The following MYH8 variants were observed in gnomAD, a reference collection of about 807,000 sequenced individuals.
MYH8 encodes the protein myosin heavy chain 8.
Under a neutral mutation model 233.2 loss-of-function variants are expected in MYH8, and 168 were observed. That is an observed-to-expected ratio of 0.72 (90% confidence interval 0.64 to 0.82). The LOEUF (loss-of-function observed/expected upper bound fraction) is 0.82, where lower values mean the gene tolerates loss of function less well. Ranked by LOEUF, MYH8 falls within the 40% of genes least tolerant of loss-of-function variation. The pLI is 0.00. For missense variants in MYH8, 1,995 were observed against 2,327.8 expected, an observed-to-expected ratio of 0.86 and a Z score of 2.94; for synonymous variants, 785 against 850.6, an observed-to-expected ratio of 0.92 and a Z score of 1.34.
intron 17 of MYH8, among the ~76,000 whole-genome samples, chr17:10,408,237 C>T (rs1278481873): frequency 6.6e-6 from 1 of 151,818 alleles, no homozygotes; most frequent in African/African-American, 2.4e-5. Context: ...CTGCGCCCGG[C>T]CAAGAAGGCA....
rs2072037087 is a variant in MYH8, at chr17:10,392,625, C to T, written c.5485G>A (p.Val1829Ile). ...EARVRELEGE[V>I]ENEQKRNAEA... ...GCATTACGTTTCTGTTCATTTTCAACCTCTCCTTCAAGCTCACGTACCTGC... is the reference window on the plus strand; with the variant it reads ...GCATTACGTTTCTGTTCATTTTCAATCTCTCCTTCAAGCTCACGTACCTGC... The change falls in exon 38 of 40, where the codon GTT becomes ATT. Residue 1829 changes from valine (V) to isoleucine (I), a missense_variant. Transcript: ENST00000403437. 6 of 1,614,150 alleles carry T rather than the reference C, an allele frequency of 3.7e-6. No homozygotes were observed. The highest frequency in any genetic ancestry group is 5.1e-6 in the Non-Finnish European group (6 of 1,180,028).
At position 10,396,332 on chromosome 17, in the gene MYH8, C is replaced by T. The variant is rs1301220270; in HGVS notation, c.4651G>A (p.Glu1551Lys). Residue 1551 changes from glutamate (E) to lysine (K), a missense_variant and splice_region_variant, in exon 33 of 40, where the codon GAG becomes AAG. Transcript: ENST00000403437. The surrounding 1 kb of genome is among the most constrained non-coding windows in gnomAD (Gnocchi z 4.2). ...ACATAATACAAGGTAATATGTACCT[C>T]TGCTTCCTCTAAAGCAGCCTGAATT... ...CEIQAALEEA[E>K]ASLEHEEGKI... The T allele has an allele frequency of 6.2e-7, 1 of 1,613,968 alleles. No individual in the cohort carries two copies. The highest frequency in any genetic ancestry group is 8.5e-7 in the Non-Finnish European group (1 of 1,180,002).
In MYH8 at chr17:10,419,932, C is replaced by T. The variant is rs9910366; in HGVS notation, c.210+86G>A. 1.1e-3 allele frequency: 1,554 copies of T among 1,434,600 alleles called. 14 individuals are homozygous for T. The African/African-American group carries it at 0.019, about 18-fold the overall frequency. 88.9% of individuals were successfully genotyped at this position (1,434,600 alleles called of 1,614,324 possible). On this transcript the variant is annotated intron_variant, in intron 3 of 39. Transcript: ENST00000403437. This position sits in a 1 kb window ranked among gnomAD's most constrained non-coding sequence, Gnocchi z 4.0. ...ACTAGAAGGGTGTTTGCATTGGCAA[C>T]AGGCTTGGAGATTCCCAGTAAGTTA...
chr17:10,410,639 G>C (rs572826854), intron 15 of MYH8, 138 bp downstream of exon 15: 4 of 1,358,394 alleles, frequency 2.9e-6, no homozygotes, highest in African/African-American at 2.9e-5. Flanking sequence ...TTAAAAAGAG[G>C]AAGTAATTTC....
At position 10,420,170 on chromosome 17, in the gene MYH8, G is replaced by A. The variant is rs1449105624; in HGVS notation, c.58C>T (p.Arg20Ter). The A allele has an allele frequency of 2.5e-6, 4 of 1,614,028 alleles. No homozygotes were observed. The highest frequency in any genetic ancestry group is 2.2e-5 in the East Asian group (1 of 44,886). ...TCAATCCGCTCCTTTTCTGATTTTCGAAGGTAGGGAGCAGCTTCGCCAAAA... is the reference window on the plus strand; with the variant it reads ...TCAATCCGCTCCTTTTCTGATTTTCAAAGGTAGGGAGCAGCTTCGCCAAAA... ...AVFGEAAPYLRKSEKERIEAQ... is the reference protein window; with the variant it reads ...AVFGEAAPYL The change falls in exon 3 of 40, where the codon CGA becomes TGA. Residue 20 changes from arginine to a stop codon, truncating the protein, a stop_gained. Coordinates refer to ENST00000403437, the MANE Select transcript of MYH8 (RefSeq NM_002472.3). LOFTEE classifies it high-confidence loss of function.
chr17:10,412,279 TG>T (rs1294699983), intron 14 of MYH8, 90 bp downstream of exon 14: 1 of 1,612,884 alleles, frequency 6.2e-7, no homozygotes, highest in Non-Finnish European at 8.5e-7. Flanking sequence ...GCAAGTAATA[TG>T]GACGCTATAA....
Position 10,400,509 on chromosome 17 carries a change from G to A in MYH8, c.3616C>T (p.Leu1206Phe). 1 of 1,614,162 alleles carries A rather than the reference G, an allele frequency of 6.2e-7. No individual in the cohort carries two copies. Among genetic ancestry groups the A allele is most frequent in the Non-Finnish European group, 8.5e-7 (1 of 1,180,036 alleles). Reference sequence around the variant, plus strand: ...TGCAAGTTGTCAATCTGCTCCCCAAGCTCAGCCATACTGTCTGCGTGCTTC... The same window carrying A: ...TGCAAGTTGTCAATCTGCTCCCCAAACTCAGCCATACTGTCTGCGTGCTTC... ...RKKHADSMAE[L>F]GEQIDNLQRV... The change falls in exon 27 of 40, where the codon CTT (leucine) becomes TTT (phenylalanine). Residue 1206 changes from leucine to phenylalanine, a missense_variant. Physicochemically the swap from Leu to Phe is conservative, Grantham distance 22. Coordinates refer to ENST00000403437, the MANE Select transcript of MYH8 (RefSeq NM_002472.3). This position sits in a 1 kb window ranked among gnomAD's most constrained non-coding sequence, Gnocchi z 4.0.
chr17:10,406,481 C>T (rs1276155091), intron 19 of MYH8, 84 bp from the exon 20 acceptor site: 9 of 1,576,686 alleles, frequency 5.7e-6, no homozygotes, highest in South Asian at 1.1e-5. Context: ...TATCAACAAA[C>T]ATCTGAGAGT....
Position 10,398,603 on chromosome 17 carries a change from C to T in MYH8, c.4019G>A (p.Arg1340His), listed in dbSNP as rs776303430. The T allele has an allele frequency of 5.6e-6, 9 of 1,614,042 alleles. No homozygotes were observed. Among genetic ancestry groups the T allele is most frequent in the South Asian group, 1.1e-5 (1 of 91,086 alleles). ...TTCCCGCAGCAGGTCGCAGTCATGG[C>T]GGGAGGACTGCAGGGCGTGTGCCAG... The part of the protein sequence containing the change: ...NALAHALQSS[R>H]HDCDLLREQY... Residue 1340 changes from arginine (R) to histidine (H), a missense_variant, in exon 30 of 40, where the codon CGC becomes CAC. By Grantham distance (29) the Arg-to-His change is conservative. Coordinates refer to ENST00000403437, the MANE Select transcript of MYH8 (RefSeq NM_002472.3).
rs2072284305 is a variant in MYH8 at position 10,415,676 on chromosome 17, C to T, written c.539+5G>A. 6.2e-7 allele frequency: 1 copy of T among 1,614,002 alleles called. No homozygotes were observed. Among genetic ancestry groups the T allele is most frequent in the Non-Finnish European group, 8.5e-7 (1 of 1,179,908 alleles). Reference sequence around the variant, plus strand: ...GCAAATCAGAGAAGAAAAAAAATCACATACGTGATCAGGATGGACTGATTC... The same window carrying T: ...GCAAATCAGAGAAGAAAAAAAATCATATACGTGATCAGGATGGACTGATTC... On this transcript the variant is annotated splice_donor_5th_base_variant and intron_variant, in intron 6 of 39. Transcript: ENST00000403437. The surrounding 1 kb of genome is among the most constrained non-coding windows in gnomAD (Gnocchi z 4.1).
At position 10,414,291 on chromosome 17, in the gene MYH8, C is replaced by A. The variant is rs1567689200; in HGVS notation, c.909G>T (p.Met303Ile). Reference sequence around the variant, plus strand: ...CATATGGGTTGGTGGTGATCAGGAGCATTTCTGGGTCACAGAATTCAGGGC... The same window carrying A: ...CATATGGGTTGGTGGTGATCAGGAGAATTTCTGGGTCACAGAATTCAGGGC... ...TSNKKPDLIE[M>I]LLITTNPYDY... Residue 303 changes from methionine to isoleucine, a missense_variant, in exon 11 of 40, where the codon ATG (methionine) becomes ATT (isoleucine). Around this residue, in one of 3 missense-constraint regions of MYH8, gnomAD observed 479 missense variants for 600.9 expected, o/e 0.80. Coordinates refer to ENST00000403437, the MANE Select transcript of MYH8 (RefSeq NM_002472.3). 6 of 1,613,942 alleles carry A rather than the reference C, an allele frequency of 3.7e-6. No homozygotes were observed. Among genetic ancestry groups the A allele is most frequent in the East Asian group, 2.2e-5 (1 of 44,884 alleles).
chr17:10,394,063 C>CAA (rs71365758), intron 35 of MYH8, among the ~76,000 whole-genome samples, 186 bp downstream of exon 35: 42 of 127,780 alleles, frequency 3.3e-4, no homozygotes, highest in African/African-American at 8.0e-4. Flanking sequence ...GAACACACAC[C>CAA]AAAAAAACAA....
rs771118466 is a variant in MYH8, at chr17:10,395,137, AG to A, written c.4957del (p.Leu1653Ter). The part of the protein sequence containing the change: ...LRNYRNTQGI[L>X]KETQLHLDDA... ...GGCGAATGTGGACCCGTTTACCTTC[AG>A]GATTCCTTGGGTGTTCCTGTAGTTC... On this transcript the variant is annotated frameshift_variant, in exon 34 of 40. Transcript: ENST00000403437. LOFTEE classifies it high-confidence loss of function. 1 of 1,613,194 alleles carries A rather than the reference AG, an allele frequency of 6.2e-7. No individual in the cohort carries two copies. The highest frequency in any genetic ancestry group is 8.5e-7 in the Non-Finnish European group (1 of 1,180,016).
chr17:10,396,943 C>G lies in MYH8; in HGVS notation c.4222G>C (p.Glu1408Gln). ...QRLQEAEEHV[E>Q]AVNAKCASLE... ...GAAGCACATTTGGCGTTCACAGCTT[C>G]TACATGTTCCTCAGCTTCTTGCAGG... The change falls in exon 31 of 40, where the codon GAA (glutamate) becomes CAA (glutamine). Residue 1408 changes from glutamate to glutamine, a missense_variant. By Grantham distance (29) the Glu-to-Gln change is conservative. Coordinates refer to ENST00000403437, the MANE Select transcript of MYH8 (RefSeq NM_002472.3). The surrounding 1 kb of genome is among the most constrained non-coding windows in gnomAD (Gnocchi z 4.2). The G allele has an allele frequency of 6.2e-7, 1 of 1,614,246 alleles. No homozygotes were observed. The highest frequency in any genetic ancestry group is 1.3e-5 in the African/African-American group (1 of 75,064).
At position 10,390,569 on chromosome 17, in the gene MYH8, C is replaced by T. The variant is rs770787118; in HGVS notation, c.5699G>A (p.Arg1900His). 24 of 1,613,938 alleles carry T rather than the reference C, an allele frequency of 1.5e-5. No homozygotes were observed. Among genetic ancestry groups the T allele is most frequent in the Middle Eastern group, 3.3e-4 (2 of 6,076 alleles). Residue 1900 changes from arginine (R) to histidine (H), a missense_variant, in exon 40 of 40, where the codon CGC becomes CAC. Transcript: ENST00000403437. ...EQSNANLSKF[R>H]KLQHELEEAE... ...CTCCTCCAGCTCATGCTGGAGTTTG[C>T]GGAATTTAGATAGATTAGCATTGGA...
chr17:10,415,653 A>G lies in MYH8; in HGVS notation c.539+28T>C, dbSNP rs756730428. 1 of 1,614,004 alleles carries G rather than the reference A, an allele frequency of 6.2e-7. No homozygotes were observed. Among genetic ancestry groups the G allele is most frequent in the Admixed American group, 1.7e-5 (1 of 60,022 alleles). ...TGTCAACATCTAAGACAATCCTTGC[A>G]AATCAGAGAAGAAAAAAAATCACAT... On this transcript the variant is annotated intron_variant, in intron 6 of 39. Transcript: ENST00000403437. This position sits in a 1 kb window ranked among gnomAD's most constrained non-coding sequence, Gnocchi z 4.1.
rs142917233 is a variant in MYH8 at position 10,418,775 on chromosome 17, G to A, written c.381C>T (p.Thr127=). Reference sequence around the variant, plus strand: ...CCGGCAGCCACTTGTAGGGGTTGACGGTGACACAGAAGAGGCCTGAGTAGG... The same window carrying A: ...CCGGCAGCCACTTGTAGGGGTTGACAGTGACACAGAAGAGGCCTGAGTAGG... ...IYTYSGLFCV[T]VNPYKWLPVY... The change falls in exon 5 of 40, where the codon ACC becomes ACT. Residue 127 remains threonine, a synonymous_variant. Transcript: ENST00000403437. The A allele has an allele frequency of 5.0e-6, 8 of 1,613,810 alleles. No individual in the cohort carries two copies. In the South Asian group the frequency reaches 5.5e-5, roughly 11 times the overall value.
intron 17 of MYH8, among the ~76,000 whole-genome samples, chr17:10,408,113 A>G (rs946267322): frequency 5.3e-5 from 8 of 151,514 alleles, no homozygotes; most frequent in African/African-American, 1.9e-4. Context: ...GCTAATTTTT[A>G]TATTCTTAGT....
At position 10,395,188 on chromosome 17, in the gene MYH8, T is replaced by C. The variant is rs866728917; in HGVS notation, c.4907A>G (p.Asn1636Ser). Reference protein sequence around the residue: ...NEMEIQLNHANRLAAESLRNY... With the variant: ...NEMEIQLNHASRLAAESLRNY... ...CCTTAAACTCTCTGCAGCTAAGCGA[T>C]TGGCATGGTTCAGCTGGATTTCCAT... Residue 1636 changes from asparagine (N) to serine (S), a missense_variant, in exon 34 of 40, where the codon AAT becomes AGT. Coordinates refer to ENST00000403437, the MANE Select transcript of MYH8 (RefSeq NM_002472.3). 5.0e-6 allele frequency: 8 copies of C among 1,614,158 alleles called. No individual in the cohort carries two copies. The highest frequency in any genetic ancestry group is 6.8e-6 in the Non-Finnish European group (8 of 1,180,038).
Sources: allele counts gnomAD v4.1 joint callset (sites outside exome capture counted in the v4.1 genomes callset), GRCh38; gene constraint gnomAD v4.1.1; regional missense constraint gnomAD v4.1.1; non-coding constraint Gnocchi (gnomAD v3.1); transcripts MANE v1.5; gene names NCBI Gene and HGNC (gene_info 2026-07-23, HGNC 2026-07-21).